The following RBMS3 variants were observed in gnomAD, a reference collection of about 807,000 sequenced individuals.
RBMS3 encodes RNA-binding motif, single-stranded-interacting protein 3.
In RBMS3, 27 loss-of-function variants were observed where a neutral mutation model predicts 66.8. That is an observed-to-expected ratio of 0.40 (90% confidence interval 0.30 to 0.56). The LOEUF (loss-of-function observed/expected upper bound fraction) is 0.56. Ranked by LOEUF, RBMS3 falls within the 20% of genes least tolerant of loss-of-function variation. The pLI, the probability that RBMS3 is intolerant of heterozygous loss-of-function variation, is 0.40. For synonymous variants in RBMS3, 188 were observed against 183.0 expected (o/e 1.03, Z -0.22); for missense variants, 513 against 549.5 (o/e 0.93, Z 0.66).
intron 6 of RBMS3, among the ~76,000 whole-genome samples, chr3:29,866,525 C>G (rs1429701890): frequency 6.6e-6 from 1 of 152,156 alleles, no homozygotes; most frequent in African/African-American, 2.4e-5. Context: ...GTCAGCATGA[C>G]CATCCCATTT....
intron 6 of RBMS3, among the ~76,000 whole-genome samples, chr3:29,808,331 C>A (rs536874885): frequency 6.6e-6 from 1 of 152,058 alleles, no homozygotes; most frequent in African/African-American, 2.4e-5. Context: ...AATTTGGCTT[C>A]TTCTCTTTTT....
chr3:29,834,346 A>G (rs551136994), intron 6 of RBMS3, among the ~76,000 whole-genome samples: 5 of 152,114 alleles, frequency 3.3e-5, no homozygotes, highest in Non-Finnish European at 5.9e-5. Flanking sequence ...TGACTCTAGT[A>G]TAAAGGTTAA....
At chr3:29,704,708 C>A (rs756009618) in intron 4 of RBMS3, among the ~76,000 whole-genome samples, 7 of 152,090 alleles carry the variant, frequency 4.6e-5, no homozygotes, top group Non-Finnish European at 1.0e-4. Context: ...AATGTTGATA[C>A]TAGTTTTTGA....
intron 1 of RBMS3, among the ~76,000 whole-genome samples, chr3:29,412,157 T>C (rs947309229): frequency 6.6e-6 from 1 of 152,210 alleles, no homozygotes; most frequent in African/African-American, 2.4e-5. Context: ...TGTACATATA[T>C]AGTGAGACCA....
intron 1 of RBMS3, among the ~76,000 whole-genome samples, chr3:29,290,194 C>A (rs2032702660): frequency 6.6e-6 from 1 of 151,746 alleles, no homozygotes; most frequent in African/African-American, 2.4e-5. Flanking sequence ...TATTCTGACA[C>A]CCAATATATA....
At chr3:29,447,456 T>G (rs191784696) in intron 2 of RBMS3, among the ~76,000 whole-genome samples, 1 of 152,346 alleles carries the variant, frequency 6.6e-6, no homozygotes, top group East Asian at 1.9e-4. Context: ...CCAGAATGCC[T>G]GAGTTCAGCT....
At chr3:29,310,774 T>C (rs1185378587) in intron 1 of RBMS3, among the ~76,000 whole-genome samples, 1 of 151,576 alleles carries the variant, frequency 6.6e-6, no homozygotes, top group Non-Finnish European at 1.5e-5. Context: ...GTGATGAAAA[T>C]TTATTGTCAT....
intron 2 of RBMS3, among the ~76,000 whole-genome samples, chr3:29,487,441 C>A (rs1431831617): frequency 1.3e-5 from 2 of 152,022 alleles, no homozygotes; most frequent in African/African-American, 4.8e-5. Context: ...TATCTTTTAG[C>A]AAATAACTTT....
chr3:29,894,044 T>C (rs1337984850), intron 8 of RBMS3, among the ~76,000 whole-genome samples: 1 of 151,542 alleles, frequency 6.6e-6, no homozygotes, highest in Non-Finnish European at 1.5e-5. Flanking sequence ...AATAAATACA[T>C]TGTATTCGTC....
Position 29,626,862 on chromosome 3 carries a change from C to A in RBMS3, c.399+39657C>A, listed in dbSNP as rs899147958. Among the ~76,000 whole-genome samples, 8 of 152,190 alleles carry A rather than the reference C, an allele frequency of 5.3e-5. No homozygotes were observed. The East Asian group carries it at 1.5e-3, about 29-fold the overall frequency. On this transcript the variant is annotated intron_variant, in intron 4 of 14. Transcript: ENST00000383767. ...ATGATGTTACTTAATCTTTCTGTGC[C>A]TCAGTTTCTTTACATGTCCAAATGA... is the stretch of plus-strand genomic sequence containing the variant.
chr3:29,374,620 A>G (rs2038371689), intron 1 of RBMS3, among the ~76,000 whole-genome samples: 1 of 152,198 alleles, frequency 6.6e-6, no homozygotes, highest in Non-Finnish European at 1.5e-5. Context: ...AAGTGTTCTG[A>G]GCATGTTTAA....
intron 6 of RBMS3, chr3:29,797,578 G>T (rs1461365871): frequency 2.0e-5 from 3 of 152,108 alleles, no homozygotes; most frequent in Non-Finnish European, 4.4e-5. Context: ...TTGGCTAACT[G>T]GTAAAAAGGC....
intron 6 of RBMS3, among the ~76,000 whole-genome samples, chr3:29,845,526 T>G (rs916237179): frequency 1.3e-5 from 2 of 152,240 alleles, no homozygotes; most frequent in Non-Finnish European, 2.9e-5. Context: ...TTCCTCATTT[T>G]TATTAATATG....
At chr3:29,674,873 T>G (rs138257642) in intron 4 of RBMS3, among the ~76,000 whole-genome samples, 75 of 152,062 alleles carry the variant, frequency 4.9e-4, no homozygotes, top group African/African-American at 1.8e-3. Context: ...AAGCAACCAA[T>G]TACTTTCTTC....
At chr3:29,476,271 C>G (rs17023675) in intron 2 of RBMS3, among the ~76,000 whole-genome samples, 1,713 of 152,190 alleles carry the variant, frequency 0.011, 33 homozygotes, top group African/African-American at 0.036. Flanking sequence ...TGTGCATGAC[C>G]CCATGAACTA....
At chr3:29,850,161 A>T (rs2058895263) in intron 6 of RBMS3, among the ~76,000 whole-genome samples, 1 of 152,162 alleles carries the variant, frequency 6.6e-6, no homozygotes, top group Non-Finnish European at 1.5e-5. Context: ...CTGAGAAGTA[A>T]TCCTGGGGAG....
At chr3:29,725,003 A>C (rs2053797873) in intron 4 of RBMS3, among the ~76,000 whole-genome samples, 1 of 152,160 alleles carries the variant, frequency 6.6e-6, no homozygotes. Flanking sequence ...TGAGTGAGTG[A>C]ATGATCAAGA....
intron 10 of RBMS3, among the ~76,000 whole-genome samples, chr3:29,920,934 C>T (rs946613048): frequency 6.7e-6 from 1 of 150,010 alleles, no homozygotes; most frequent in African/African-American, 2.5e-5. Flanking sequence ...GAATTGTGTA[C>T]ATTTGGGGGT....
intron 3 of RBMS3, among the ~76,000 whole-genome samples, chr3:29,514,775 CATAT>C (rs888158569): frequency 6.9e-6 from 1 of 145,072 alleles, no homozygotes; most frequent in Non-Finnish European, 1.5e-5. Flanking sequence ...ATACGATAGG[CATAT>C]ATATATATGA....
Sources: gnomAD v4.1 joint callset for allele counts (sites outside exome capture counted in the v4.1 genomes callset) on GRCh38, gnomAD v4.1.1 for gene constraint, MANE v1.5 for transcripts, NCBI Gene and HGNC (gene_info 2026-07-23, HGNC 2026-07-21) for gene names.